The following TSPAN5 variants were observed in gnomAD, a reference collection of about 807,000 sequenced individuals.
The protein encoded by TSPAN5 is tetraspanin-5.
TSPAN5 carries 10 observed loss-of-function variants against 37.1 expected under a neutral mutation model. The ratio of observed to expected loss-of-function variants is 0.27; its 90% CI spans 0.17 to 0.46. The LOEUF is 0.46. TSPAN5 is among the 20% of genes least tolerant of loss of function. The probability of loss-of-function intolerance (pLI) is 1.00; values close to 1 mark genes in which losing one functional copy is unlikely to be tolerated. For missense variants in TSPAN5, 195 were observed against 326.6 expected (o/e 0.60, Z 3.11); for synonymous variants, 110 against 118.9 (o/e 0.93, Z 0.48).
intron 1 of TSPAN5, among the ~76,000 whole-genome samples, chr4:98,616,937 C>A (rs1190114770): frequency 2.0e-5 from 3 of 149,644 alleles, no homozygotes; most frequent in Non-Finnish European, 4.4e-5. Context: ...CATCCTCCCA[C>A]CTCGACCTCC....
intron 1 of TSPAN5, among the ~76,000 whole-genome samples, chr4:98,605,828 CA>C (rs987612452): frequency 6.6e-6 from 1 of 152,108 alleles, no homozygotes; most frequent in Non-Finnish European, 1.5e-5. Context: ...CAGCATTGGT[CA>C]AAAAAATCAC....
intron 1 of TSPAN5, among the ~76,000 whole-genome samples, chr4:98,598,232 G>A (rs1432992958): frequency 7.0e-5 from 10 of 141,968 alleles, no homozygotes; most frequent in African/African-American, 1.7e-4. Flanking sequence ...TCTTTGACTC[G>A]GAAAGGGAAC....
chr4:98,610,246 C>A (rs6851423), intron 1 of TSPAN5, among the ~76,000 whole-genome samples: 3,248 of 152,282 alleles, frequency 0.021, 54 homozygotes, highest in African/African-American at 0.058. Context: ...AGCAAGAGAT[C>A]GAACTCAGCC....
chr4:98,480,941 C>T (rs1752825586), intron 4 of TSPAN5, among the ~76,000 whole-genome samples: 1 of 152,090 alleles, frequency 6.6e-6, no homozygotes, highest in Non-Finnish European at 1.5e-5. Context: ...GGGATGGCCT[C>T]CCTCATAAAG....
intron 1 of TSPAN5, among the ~76,000 whole-genome samples, chr4:98,566,260 T>C (rs545071261): frequency 2.0e-5 from 3 of 151,930 alleles, no homozygotes; most frequent in African/African-American, 7.2e-5. Flanking sequence ...TGTGTGCTGA[T>C]TGTGCTAAAC....
chr4:98,530,405 G>A (rs1034947473), intron 1 of TSPAN5, among the ~76,000 whole-genome samples: 4 of 152,184 alleles, frequency 2.6e-5, no homozygotes, highest in African/African-American at 2.4e-5. Context: ...ATACAAATGA[G>A]GAAACAGGCT....
At chr4:98,536,883 G>A (rs2110136518) in intron 1 of TSPAN5, among the ~76,000 whole-genome samples, 1 of 152,336 alleles carries the variant, frequency 6.6e-6, no homozygotes, top group South Asian at 2.1e-4. Flanking sequence ...TCAGACTGCT[G>A]CCGTGCTGGC....
intron 1 of TSPAN5, among the ~76,000 whole-genome samples, chr4:98,552,824 T>C (rs962206075): frequency 9.9e-5 from 15 of 152,214 alleles, no homozygotes; most frequent in African/African-American, 3.6e-4. Flanking sequence ...CAGAGCCCTA[T>C]GACATGGTTT....
chr4:98,591,077 GT>G (rs550920505), intron 1 of TSPAN5, among the ~76,000 whole-genome samples: 55 of 138,076 alleles, frequency 4.0e-4, no homozygotes, highest in African/African-American at 7.8e-4. Flanking sequence ...TTGTTTTTTT[GT>G]TTTTTTTTTT....
intron 1 of TSPAN5, among the ~76,000 whole-genome samples, chr4:98,525,950 T>C (rs1753951959): frequency 6.6e-6 from 1 of 152,242 alleles, no homozygotes; most frequent in South Asian, 2.1e-4. Context: ...ATTTTCTCAT[T>C]GTAGATGAAA....
intron 1 of TSPAN5, among the ~76,000 whole-genome samples, chr4:98,648,539 GT>G (rs1757117118): frequency 6.6e-6 from 1 of 152,224 alleles, no homozygotes; most frequent in South Asian, 2.1e-4. Flanking sequence ...TAGCAAACTA[GT>G]TGCAGCACCA....
intron 1 of TSPAN5, among the ~76,000 whole-genome samples, chr4:98,581,051 GA>G (rs945825431): frequency 2.9e-4 from 44 of 151,306 alleles, no homozygotes; most frequent in East Asian, 3.9e-4. Flanking sequence ...ATATAAAGGG[GA>G]AAAAAAAATT....
At chr4:98,522,265 C>T (rs559265036) in intron 1 of TSPAN5, among the ~76,000 whole-genome samples, 1 of 152,280 alleles carries the variant, frequency 6.6e-6, no homozygotes, top group Admixed American at 6.5e-5. Context: ...TAAAATGAAA[C>T]CTGATTGATA....
chr4:98,569,488 G>A (rs548796927), intron 1 of TSPAN5, among the ~76,000 whole-genome samples: 1 of 152,326 alleles, frequency 6.6e-6, no homozygotes, highest in East Asian at 1.9e-4. Context: ...GATGTGGGAG[G>A]CAGCCTGATC....
intron 1 of TSPAN5, among the ~76,000 whole-genome samples, chr4:98,635,638 T>C (rs965374025): frequency 6.6e-6 from 1 of 152,038 alleles, no homozygotes; most frequent in Non-Finnish European, 1.5e-5. Context: ...GAAAATAAGG[T>C]GCTGAACGGG....
intron 4 of TSPAN5, among the ~76,000 whole-genome samples, chr4:98,480,051 C>A (rs188161732): frequency 6.6e-6 from 1 of 152,032 alleles, no homozygotes; most frequent in Non-Finnish European, 1.5e-5. Flanking sequence ...AGGCGGTGAC[C>A]CCCCTGGACC....
chr4:98,472,392 C>A lies in TSPAN5; in HGVS notation c.*130G>T, dbSNP rs942218744. On this transcript the variant is annotated 3_prime_UTR_variant, in exon 8 of 8. Transcript: ENST00000305798. ...TCCCAGTTTTACACTCCCCTAATGGCAGCTCCATTAGGCGAGACTGCAGGC... is the reference window on the plus strand; with the variant it reads ...TCCCAGTTTTACACTCCCCTAATGGAAGCTCCATTAGGCGAGACTGCAGGC... The A allele has an allele frequency of 2.4e-5, 16 of 661,580 alleles. No homozygotes were observed. Among genetic ancestry groups the A allele is most frequent in the Admixed American group, 2.0e-4 (7 of 35,522 alleles). 41.0% of individuals were successfully genotyped at this position (661,580 alleles called of 1,614,324 possible).
At chr4:98,644,614 T>C (rs1004658589) in intron 1 of TSPAN5, among the ~76,000 whole-genome samples, 1 of 152,178 alleles carries the variant, frequency 6.6e-6, no homozygotes, top group Non-Finnish European at 1.5e-5. Flanking sequence ...TAACTCGTCA[T>C]TGAACAATGA....
At chr4:98,530,767 G>T (rs745929172) in intron 1 of TSPAN5, among the ~76,000 whole-genome samples, 85 of 150,286 alleles carry the variant, frequency 5.7e-4, no homozygotes, top group Non-Finnish European at 8.4e-4. Flanking sequence ...TTAGAAACAG[G>T]ATCTTACTCC....
Sources: gnomAD v4.1 joint callset for allele counts (sites outside exome capture counted in the v4.1 genomes callset) on GRCh38, gnomAD v4.1.1 for gene constraint, MANE v1.5 for transcripts, NCBI Gene and HGNC (gene_info 2026-07-23, HGNC 2026-07-21) for gene names.